Variants in ARHGAP5 observed in about 807,000 individuals in gnomAD.
The protein encoded by ARHGAP5 is Rho GTPase activating protein 5, also known as rho GTPase-activating protein 5.
Under a neutral mutation model 116.6 loss-of-function variants are expected in ARHGAP5, and 23 were observed. The observed-to-expected ratio is 0.20, with a 90% CI of 0.14 to 0.28. The LOEUF is 0.28. ARHGAP5 is among the 10% of genes least tolerant of loss of function. The pLI, the probability that ARHGAP5 is intolerant of heterozygous loss-of-function variation, is 1.00. For synonymous variants in ARHGAP5, 574 were observed against 602.0 expected (o/e 0.95, Z 0.68); for missense variants, 1,405 against 1,774.8 (o/e 0.79, Z 3.74).
intron 3 of ARHGAP5, among the ~76,000 whole-genome samples, chr14:32,145,891 G>T (rs1881354468): frequency 1.3e-5 from 2 of 152,102 alleles, no homozygotes; most frequent in African/African-American, 2.4e-5. Flanking sequence ...TAACGAAATT[G>T]TACATAAGAT....
intron 2 of ARHGAP5, among the ~76,000 whole-genome samples, chr14:32,112,686 C>T (rs960712879): frequency 2.3e-4 from 35 of 152,212 alleles, no homozygotes; most frequent in African/African-American, 7.0e-4. Context: ...TCCTGGCTAA[C>T]GTGGTGAAAC....
chr14:32,130,571 C>T (rs532189484), intron 3 of ARHGAP5, among the ~76,000 whole-genome samples: 6 of 151,480 alleles, frequency 4.0e-5, no homozygotes, highest in Non-Finnish European at 5.9e-5. Flanking sequence ...GATGGAGTCT[C>T]GCTTTGTCGC....
At chr14:32,136,163 T>G (rs1426497448) in intron 3 of ARHGAP5, among the ~76,000 whole-genome samples, 2 of 152,222 alleles carry the variant, frequency 1.3e-5, no homozygotes, top group East Asian at 3.8e-4. Flanking sequence ...GGTTAACCAT[T>G]TTAAAGTATA....
intron 3 of ARHGAP5, among the ~76,000 whole-genome samples, chr14:32,141,835 A>G (rs1038096449): frequency 6.6e-6 from 1 of 152,206 alleles, no homozygotes; most frequent in Admixed American, 6.5e-5. Flanking sequence ...ATATCATTCT[A>G]CTGTCTTCTA....
Position 32,092,884 on chromosome 14 carries a change from C to T in ARHGAP5, c.2215C>T (p.Arg739Cys), listed in dbSNP as rs753743151. ...AGATGTACCTGCTGGTACATATCCT[C>T]GTAAATTTAATGAAACCCAAATAAA... ...FVDVPAGTYP[R>C]KFNETQIKQA... The change falls in exon 2 of 7, where the codon CGT (arginine) becomes TGT (cysteine). Residue 739 changes from arginine to cysteine, a missense_variant. Around this residue, in one of 6 missense-constraint regions of ARHGAP5, gnomAD observed 944 missense variants for 1,095.3 expected, o/e 0.86. Coordinates refer to ENST00000345122, the MANE Select transcript of ARHGAP5 (RefSeq NM_001030055.2). This position sits in a 1 kb window ranked among gnomAD's most constrained non-coding sequence, Gnocchi z 4.1. 6.2e-6 allele frequency: 10 copies of T among 1,613,810 alleles called. No individual in the cohort carries two copies. The highest frequency in any genetic ancestry group is 2.7e-5 in the African/African-American group (2 of 74,884).
In ARHGAP5 at chr14:32,153,397, A is replaced by G. The variant is rs368223428; in HGVS notation, c.4181+869A>G. On this transcript the variant is annotated intron_variant, in intron 6 of 6. Transcript: ENST00000345122. ...ACTTCAGTCTGGCCAACAGAGCAAGACTCTGTCTCAAAAAAAAAAAAAAAA... is the reference window on the plus strand; with the variant it reads ...ACTTCAGTCTGGCCAACAGAGCAAGGCTCTGTCTCAAAAAAAAAAAAAAAA... Among the ~76,000 whole-genome samples, 882 of 105,134 alleles carry G rather than the reference A, an allele frequency of 8.4e-3. 6 individuals are homozygous for G. Among genetic ancestry groups the G allele is most frequent in the Non-Finnish European group, 0.013 (674 of 52,728 alleles). The allele number at this position is 105,134 out of a possible 152,430, so 69.0% of individuals were successfully genotyped here. A position where few individuals can be genotyped will look rare whatever the true frequency, so the allele number is the denominator to read the frequency against.
At chr14:32,112,795 C>T (rs1050972477) in intron 2 of ARHGAP5, among the ~76,000 whole-genome samples, 7 of 151,824 alleles carry the variant, frequency 4.6e-5, no homozygotes, top group Non-Finnish European at 8.8e-5. Context: ...GATGTGAACC[C>T]GGAAGGCGGA....
At chr14:32,114,972 A>G (rs1317674422) in intron 2 of ARHGAP5, among the ~76,000 whole-genome samples, 1 of 152,228 alleles carries the variant, frequency 6.6e-6, no homozygotes, top group Non-Finnish European at 1.5e-5. Flanking sequence ...TATGACAAAT[A>G]TTAATGGATT....
intron 3 of ARHGAP5, among the ~76,000 whole-genome samples, chr14:32,139,443 G>T (rs184541945): frequency 3.9e-5 from 6 of 151,914 alleles, no homozygotes; most frequent in African/African-American, 1.4e-4. Flanking sequence ...TTGGTAGTTG[G>T]TATATTTCTA....
intron 2 of ARHGAP5, among the ~76,000 whole-genome samples, chr14:32,098,123 T>A (rs916848562): frequency 6.6e-6 from 1 of 151,918 alleles, no homozygotes; most frequent in Non-Finnish European, 1.5e-5. Context: ...AATGGAAGAG[T>A]AAAGGGCTTA....
intron 2 of ARHGAP5, among the ~76,000 whole-genome samples, chr14:32,113,785 G>GCTAGTGCTA (rs1566670389): frequency 6.6e-6 from 1 of 152,210 alleles, no homozygotes; most frequent in African/African-American, 2.4e-5. Context: ...GCTAAGAAAA[G>GCTAGTGCTA]GAGTTAAGAG....
intron 3 of ARHGAP5, among the ~76,000 whole-genome samples, chr14:32,133,266 C>T (rs1351530431): frequency 3.3e-5 from 5 of 152,140 alleles, no homozygotes; most frequent in Non-Finnish European, 2.9e-5. Flanking sequence ...TTTCCTTGAG[C>T]AGTGGTTTGT....
Position 32,091,191 on chromosome 14 carries a change from T to C in ARHGAP5, c.522T>C (p.Asp174=), listed in dbSNP as rs1263172191. 6.2e-7 allele frequency: 1 copy of C among 1,613,460 alleles called. No homozygotes were observed. Among genetic ancestry groups the C allele is most frequent in the Non-Finnish European group, 8.5e-7 (1 of 1,179,622 alleles). ...DVSQGCNRKF[D]DQLKFVNNLF... ...GTCAAGGATGCAATAGGAAGTTTGA[T>C]GATCAACTTAAATTTGTGAATAACC... Residue 174 remains aspartate, a synonymous_variant, in exon 2 of 7, where the codon GAT becomes GAC. Transcript: ENST00000345122.
chr14:32,117,303 C>A lies in ARHGAP5; in HGVS notation c.3865+16C>A. The A allele has an allele frequency of 6.4e-7, 1 of 1,557,056 alleles. No homozygotes were observed. The highest frequency in any genetic ancestry group is 1.9e-5 in the Admixed American group (1 of 52,598). ...GAAGATACAGGTAGGATAGAAGAAT[C>A]ATTGCAAGAGATTTGATTTTAAATT... On this transcript the variant is annotated intron_variant, in intron 3 of 6. Coordinates refer to ENST00000345122, the MANE Select transcript of ARHGAP5 (RefSeq NM_001030055.2).
At position 32,108,361 on chromosome 14, in the gene ARHGAP5, T is replaced by C. The variant is rs561694699; in HGVS notation, c.3718-8779T>C. 4.8e-4 allele frequency among the ~76,000 whole-genome samples: 73 copies of C among 152,022 alleles called. 1 individual carries two copies. The highest frequency in any genetic ancestry group is 1.7e-3 in the African/African-American group (72 of 41,472). On this transcript the variant is annotated intron_variant, in intron 2 of 6. Transcript: ENST00000345122. The stretch of plus-strand genomic sequence containing the variant: ...TCATAGGAGAGGGACAAATTGATGC[T>C]ATAGGAGAAAAGTGATGGGGAATAG...
intron 2 of ARHGAP5, among the ~76,000 whole-genome samples, chr14:32,095,443 G>A (rs1389276389): frequency 7.9e-6 from 1 of 126,750 alleles, no homozygotes; most frequent in Non-Finnish European, 1.6e-5. Context: ...ATGGAGTTTC[G>A]CTCTTGTTTC....
At chr14:32,148,936 C>G (rs928097478) in intron 4 of ARHGAP5, among the ~76,000 whole-genome samples, 4 of 152,016 alleles carry the variant, frequency 2.6e-5, no homozygotes, top group Admixed American at 2.0e-4. Context: ...AAATTTAAAC[C>G]ATTTTACATA....
intron 6 of ARHGAP5, among the ~76,000 whole-genome samples, chr14:32,153,110 T>C (rs1242511613): frequency 1.3e-5 from 2 of 150,826 alleles, no homozygotes; most frequent in East Asian, 3.9e-4. Flanking sequence ...TTTCAGCTGG[T>C]ACCTCCTAAA....
intron 1 of ARHGAP5, chr14:32,078,098 T>C (rs2041729922): frequency 6.6e-6 from 1 of 150,930 alleles, no homozygotes; most frequent in Non-Finnish European, 1.5e-5. Context: ...TGATACTGAG[T>C]TTTCGCTAGA....
Sources: allele counts gnomAD v4.1 joint callset (sites outside exome capture counted in the v4.1 genomes callset), GRCh38; gene constraint gnomAD v4.1.1; regional missense constraint gnomAD v4.1.1; non-coding constraint Gnocchi (gnomAD v3.1); transcripts MANE v1.5; gene names NCBI Gene and HGNC (gene_info 2026-07-23, HGNC 2026-07-21).